The following MTR variants were observed in gnomAD, a reference collection of about 807,000 sequenced individuals.
MTR encodes the protein 5-methyltetrahydrofolate-homocysteine methyltransferase, also known as methionine synthase.
MTR carries 84 observed loss-of-function variants against 154.8 expected under a neutral mutation model. The ratio of observed to expected loss-of-function variants is 0.54; its 90% CI spans 0.45 to 0.65. MTR has a LOEUF of 0.65. Among genes scored for constraint, MTR ranks in the 30% least tolerant of loss-of-function variants. The pLI, the probability that MTR is intolerant of heterozygous loss-of-function variation, is 0.00. For missense variants in MTR, 1,275 were observed against 1,570.2 expected (o/e 0.81, Z 3.18); for synonymous variants, 554 against 553.9 (o/e 1.00, Z 0.00).
chr1:236,852,227 T>C (rs777586710), intron 16 of MTR, among the ~76,000 whole-genome samples: 12 of 151,224 alleles, frequency 7.9e-5, no homozygotes, highest in Non-Finnish European at 1.5e-4. Context: ...GTACTTTCAG[T>C]GAATAAGGAA....
intron 1 of MTR, chr1:236,799,959 C>A: frequency 1.4e-6 from 1 of 722,518 alleles, no homozygotes; most frequent in Non-Finnish European, 1.7e-6. Flanking sequence ...TATACGGTGG[C>A]TCAACAAACA....
At chr1:236,867,668 A>G (rs1165582730) in intron 22 of MTR, among the ~76,000 whole-genome samples, 1 of 152,220 alleles carries the variant, frequency 6.6e-6, no homozygotes, top group East Asian at 1.9e-4. Flanking sequence ...TTTGTAATTC[A>G]TGGGAGGAGG....
chr1:236,883,410 A>G (rs894417644), intron 25 of MTR, among the ~76,000 whole-genome samples: 36 of 152,276 alleles, frequency 2.4e-4, no homozygotes, highest in African/African-American at 8.4e-4. Context: ...GGTGCCAGCA[A>G]ACTGCAGCGG....
Position 236,889,304 on chromosome 1 carries a change from G to A in MTR, c.2975G>A (p.Gly992Asp). The A allele has an allele frequency of 1.9e-6, 3 of 1,614,220 alleles. No individual in the cohort carries two copies. The highest frequency in any genetic ancestry group is 2.5e-6 in the Non-Finnish European group (3 of 1,180,044). The part of the protein sequence containing the change: ...WQLRGKYPNR[G>D]FPKIFNDKTV... ...CTCCGGGGCAAGTACCCGAATCGAG[G>A]CTTTCCCAAGATATTTAACGACAAA... The change falls in exon 28 of 33, where the codon GGC (glycine) becomes GAC (aspartate). Residue 992 changes from glycine (G) to aspartate (D), a missense_variant. Transcript: ENST00000366577.
At chr1:236,833,461 C>T (rs1000310450) in intron 13 of MTR, among the ~76,000 whole-genome samples, 51 of 152,218 alleles carry the variant, frequency 3.4e-4, no homozygotes, top group African/African-American at 1.2e-3. Context: ...CCCCATTTTA[C>T]AGGTGTAGAG....
At chr1:236,860,686 G>A (rs565721181) in intron 19 of MTR, among the ~76,000 whole-genome samples, 2 of 152,258 alleles carry the variant, frequency 1.3e-5, no homozygotes, top group East Asian at 1.9e-4. Context: ...GTATAATCTG[G>A]TAAAACACGA....
intron 27 of MTR, 87 bp downstream of exon 27, chr1:236,886,454 T>A (rs1666016050): frequency 7.9e-7 from 1 of 1,271,096 alleles, no homozygotes; most frequent in Non-Finnish European, 1.1e-6. Flanking sequence ...GGCTGCAAAA[T>A]CAAACCAGCA....
At chr1:236,809,288 AT>A (rs1248903283) in intron 4 of MTR, among the ~76,000 whole-genome samples, 2 of 152,240 alleles carry the variant, frequency 1.3e-5, no homozygotes, top group Non-Finnish European at 2.9e-5. Context: ...AAAGTGTGGC[AT>A]TAGATTCAGT....
chr1:236,870,945 A>T (rs991599813), intron 22 of MTR, among the ~76,000 whole-genome samples: 6 of 152,078 alleles, frequency 3.9e-5, no homozygotes, highest in African/African-American at 1.4e-4. Flanking sequence ...GGATCTGACC[A>T]CTTCTCACTA....
intron 20 of MTR, 136 bp from the exon 21 acceptor site, chr1:236,862,100 A>G (rs775963512): frequency 3.3e-5 from 25 of 768,502 alleles, no homozygotes; most frequent in South Asian, 6.9e-5. Flanking sequence ...TGTTCTGCCT[A>G]CTGTCAAAAG....
chr1:236,804,073 A>T (rs988356700), intron 2 of MTR, among the ~76,000 whole-genome samples: 1 of 152,252 alleles, frequency 6.6e-6, no homozygotes, highest in Non-Finnish European at 1.5e-5. Flanking sequence ...GGAAGCTGGA[A>T]GTCCACAGTC....
At chr1:236,861,418 G>A in intron 20 of MTR, 141 bp downstream of exon 20, 2 of 1,269,370 alleles carry the variant, frequency 1.6e-6, no homozygotes, top group East Asian at 2.4e-5. Context: ...CTCTAAATAT[G>A]TTTAGGAGTC....
At position 236,889,162 on chromosome 1, in the gene MTR, C is replaced by G. The variant is rs1325212539; in HGVS notation, c.2852-19C>G. On this transcript the variant is annotated intron_variant, in intron 27 of 32. Coordinates refer to ENST00000366577, the MANE Select transcript of MTR (RefSeq NM_000254.3). ...AGGGTGCCAGCGTCAGCATTGACAA[C>G]CATACTTCTCTCCTGTAGTGAAGCC... The G allele has an allele frequency of 6.2e-7, 1 of 1,613,916 alleles. No homozygotes were observed. Among genetic ancestry groups the G allele is most frequent in the Non-Finnish European group, 8.5e-7 (1 of 1,180,008 alleles).
chr1:236,897,516 C>T (rs1386768004), intron 32 of MTR, 42 bp from the exon 33 acceptor site: 1 of 1,566,752 alleles, frequency 6.4e-7, no homozygotes, highest in East Asian at 2.2e-5. Flanking sequence ...TTCCAAAAGT[C>T]TTATCATGTT....
intron 27 of MTR, among the ~76,000 whole-genome samples, chr1:236,887,589 G>T (rs1666085925): frequency 6.6e-6 from 1 of 152,196 alleles, no homozygotes; most frequent in South Asian, 2.1e-4. Flanking sequence ...AACGTATTTT[G>T]CTGGAAATAC....
At chr1:236,844,877 G>A (rs1201466813) in intron 15 of MTR, among the ~76,000 whole-genome samples, 14 of 152,166 alleles carry the variant, frequency 9.2e-5, no homozygotes, top group Admixed American at 9.2e-4. Context: ...CACTCTGACA[G>A]GGAAGGCAGT....
intron 4 of MTR, 21 bp from the exon 5 acceptor site, chr1:236,810,482 C>G (rs767504744): frequency 6.2e-7 from 1 of 1,601,170 alleles, no homozygotes; most frequent in Admixed American, 1.7e-5. Flanking sequence ...AGATCTCACA[C>G]TTGTTTTTCT....
chr1:236,855,821 G>A (rs1447437669), intron 18 of MTR, among the ~76,000 whole-genome samples: 2 of 152,100 alleles, frequency 1.3e-5, no homozygotes, highest in Non-Finnish European at 2.9e-5. Flanking sequence ...AGTGTGCCTG[G>A]GTCTGGTCTT....
rs763018049 is a variant in MTR at position 236,831,991 on chromosome 1, G to A, written c.1101G>A (p.Pro367=). The A allele has an allele frequency of 9.3e-6, 15 of 1,613,916 alleles. No homozygotes were observed. The highest frequency in any genetic ancestry group is 7.7e-5 in the South Asian group (7 of 91,086). ...LSGLEPFRIG[P]YTNFVNIGER... ...GTCTAGAGCCCTTCAGGATTGGACCGTACACCAACTTTGTTAACATTGGAG... is the reference window on the plus strand; with the variant it reads ...GTCTAGAGCCCTTCAGGATTGGACCATACACCAACTTTGTTAACATTGGAG... Residue 367 remains proline, a synonymous_variant, in exon 13 of 33, where the codon CCG becomes CCA. Coordinates refer to ENST00000366577, the MANE Select transcript of MTR (RefSeq NM_000254.3).
Sources: gnomAD v4.1 joint callset for allele counts (sites outside exome capture counted in the v4.1 genomes callset) on GRCh38, gnomAD v4.1.1 for gene constraint, MANE v1.5 for transcripts, NCBI Gene and HGNC (gene_info 2026-07-23, HGNC 2026-07-21) for gene names.